The following USP22 variants were observed in gnomAD, a reference collection of about 807,000 sequenced individuals.
The protein encoded by USP22 is ubiquitin carboxyl-terminal hydrolase 22.
Under a neutral mutation model 68.1 loss-of-function variants are expected in USP22, and 22 were observed. The observed-to-expected ratio is 0.32, with a 90% CI of 0.23 to 0.46. The LOEUF (loss-of-function observed/expected upper bound fraction) is 0.46, where lower values mean the gene tolerates loss of function less well. Ranked by LOEUF, USP22 falls within the 20% of genes least tolerant of loss-of-function variation. USP22 has a pLI of 1.00. For missense variants in USP22, 433 were observed against 695.8 expected (o/e 0.62, Z 4.25); for synonymous variants, 279 against 274.2 (o/e 1.02, Z -0.17).
At chr17:21,006,790 A>G (rs1340260324) in intron 10 of USP22, 106 bp downstream of exon 10, 7 of 900,622 alleles carry the variant, frequency 7.8e-6, no homozygotes, top group Non-Finnish European at 9.6e-6. Context: ...GGCGGGAGCC[A>G]CTGCACCCGG....
At chr17:21,020,509 A>G (rs564431050) in intron 3 of USP22, among the ~76,000 whole-genome samples, 1 of 148,974 alleles carries the variant, frequency 6.7e-6, no homozygotes, top group Non-Finnish European at 1.5e-5. Context: ...TCTAGTTTCC[A>G]TCTGGTGGGT....
intron 2 of USP22, among the ~76,000 whole-genome samples, chr17:21,026,865 G>C (rs780039108): frequency 6.6e-6 from 1 of 150,610 alleles, no homozygotes; most frequent in Non-Finnish European, 1.5e-5. Flanking sequence ...GCAGTGGTGC[G>C]ATCTCGGCTC....
intron 10 of USP22, among the ~76,000 whole-genome samples, chr17:21,005,388 C>T (rs1913747494): frequency 6.6e-6 from 1 of 152,226 alleles, no homozygotes; most frequent in Non-Finnish European, 1.5e-5. Flanking sequence ...TAGGCAGGTG[C>T]CTCCTCAAAA....
chr17:21,031,817 G>T (rs560177308), intron 1 of USP22, among the ~76,000 whole-genome samples: 5 of 152,148 alleles, frequency 3.3e-5, no homozygotes, highest in African/African-American at 1.2e-4. Flanking sequence ...TCCCCTGCAC[G>T]GGTTTACCAA....
chr17:21,025,802 G>T (rs1972212488), intron 2 of USP22, among the ~76,000 whole-genome samples: 1 of 152,194 alleles, frequency 6.6e-6, no homozygotes, highest in African/African-American at 2.4e-5. Flanking sequence ...AGAACCCACA[G>T]AGACAGAAGG....
rs1399119536 is a variant in USP22, at chr17:21,000,404, A to G, written c.*2627T>C. 1 of 152,302 alleles carries G rather than the reference A, an allele frequency of 6.6e-6. No homozygotes were observed. The highest frequency in any genetic ancestry group is 2.4e-5 in the African/African-American group (1 of 41,470). The allele number at this position is 152,302 out of a possible 1,614,324, so 9.4% of individuals were successfully genotyped here. On this transcript the variant is annotated 3_prime_UTR_variant, in exon 13 of 13. Transcript: ENST00000261497. The stretch of plus-strand genomic sequence containing the variant: ...GCTCTTCAGCAGCAGGCATCAGGTA[A>G]CTGCTTAGAACGGCAATGCCACAGT...
chr17:21,032,307 A>G (rs1312182181), intron 1 of USP22, among the ~76,000 whole-genome samples: 1 of 152,210 alleles, frequency 6.6e-6, no homozygotes, highest in African/African-American at 2.4e-5. Flanking sequence ...CTCAGAATGT[A>G]TCCTGTTGTT....
At chr17:21,025,719 G>A (rs1029857998) in intron 2 of USP22, among the ~76,000 whole-genome samples, 1 of 152,182 alleles carries the variant, frequency 6.6e-6, no homozygotes, top group Non-Finnish European at 1.5e-5. Context: ...ACAAATGCAT[G>A]CTTGCGGAAA....
chr17:21,015,562 TAGG>T, intron 6 of USP22, 187 bp downstream of exon 6: 1 of 751,032 alleles, frequency 1.3e-6, no homozygotes. Flanking sequence ...AAAAATAAAC[TAGG>T]AGGAGCCTCT....
intron 1 of USP22, among the ~76,000 whole-genome samples, chr17:21,029,897 C>T (rs1470737172): frequency 6.6e-6 from 1 of 152,148 alleles, no homozygotes; most frequent in African/African-American, 2.4e-5. Flanking sequence ...GAACAAGGAA[C>T]AAATAAAAAC....
rs1185868193 is a variant in USP22, at chr17:20,999,912, G to C, written c.*3119C>G. ...GCTGGCGCTGGAGGGAATGCCCAGG[G>C]AGGCTGCAGTGCTCACCACGAAGCC... On this transcript the variant is annotated 3_prime_UTR_variant, in exon 13 of 13. Coordinates refer to ENST00000261497, the MANE Select transcript of USP22 (RefSeq NM_015276.2). 6.6e-6 allele frequency: 1 copy of C among 152,280 alleles called. No individual in the cohort carries two copies. The highest frequency in any genetic ancestry group is 1.5e-5 in the Non-Finnish European group (1 of 68,118). The allele number at this position is 152,280 out of a possible 1,614,324, so 9.4% of individuals were successfully genotyped here.
upstream of USP22, chr17:21,043,124 C>CCCA (rs1972467271): frequency 3.3e-5 from 1 of 30,520 alleles, no homozygotes; most frequent in Non-Finnish European, 1.1e-4. Context: ...GATTACGTCA[C>CCCA]CCCCCCCCCC....
intron 1 of USP22, 138 bp downstream of exon 1, chr17:21,042,527 C>T: frequency 1.3e-5 from 10 of 796,598 alleles, no homozygotes; most frequent in Non-Finnish European, 1.7e-5. Flanking sequence ...GAAGAGAGGG[C>T]AGAAGGAGAG....
At chr17:21,030,810 T>C (rs1972280526) in intron 1 of USP22, among the ~76,000 whole-genome samples, 1 of 152,262 alleles carries the variant, frequency 6.6e-6, no homozygotes, top group South Asian at 2.1e-4. Context: ...GATTGAATCC[T>C]ATACGCCAAT....
At chr17:21,038,203 T>C (rs1471703403) in intron 1 of USP22, among the ~76,000 whole-genome samples, 1 of 152,130 alleles carries the variant, frequency 6.6e-6, no homozygotes. Context: ...AAGACCAGCC[T>C]GGGCAACATA....
At chr17:21,034,888 C>G (rs1027590498) in intron 1 of USP22, among the ~76,000 whole-genome samples, 2 of 152,136 alleles carry the variant, frequency 1.3e-5, no homozygotes, top group African/African-American at 4.8e-5. Context: ...ACAAATCTAT[C>G]CATGAAATTA....
At position 21,001,561 on chromosome 17, in the gene USP22, G is replaced by C. The variant is rs1173391452; in HGVS notation, c.*1470C>G. ...CCACATCTCTGTACTATTTATGGCA[G>C]AGACCATACAGCCCACAGAGCCAAC... is the stretch of plus-strand genomic sequence containing the variant. On this transcript the variant is annotated 3_prime_UTR_variant, in exon 13 of 13. Transcript: ENST00000261497. The C allele has an allele frequency of 6.6e-6, 1 of 152,214 alleles. No homozygotes were observed. Among genetic ancestry groups the C allele is most frequent in the African/African-American group, 2.4e-5 (1 of 41,440 alleles). 9.4% of individuals were successfully genotyped at this position (152,214 alleles called of 1,614,324 possible). A position where few individuals can be genotyped will look rare whatever the true frequency, so the allele number is the denominator to read the frequency against.
At chr17:21,041,999 C>A (rs1022220048) in intron 1 of USP22, among the ~76,000 whole-genome samples, 1 of 152,164 alleles carries the variant, frequency 6.6e-6, no homozygotes, top group African/African-American at 2.4e-5. Flanking sequence ...CAGCTCCTCG[C>A]GGGCCCCGAG....
chr17:21,024,257 C>G (rs973099555), intron 2 of USP22, among the ~76,000 whole-genome samples: 3 of 152,134 alleles, frequency 2.0e-5, no homozygotes, highest in African/African-American at 7.2e-5. Context: ...TACAGTAAGG[C>G]CAAGATATCC....
Sources: allele counts gnomAD v4.1 joint callset (sites outside exome capture counted in the v4.1 genomes callset), GRCh38; gene constraint gnomAD v4.1.1; transcripts MANE v1.5; gene names NCBI Gene and HGNC (gene_info 2026-07-23, HGNC 2026-07-21).